BCAR3: variants seen among roughly 807,000 people sequenced by gnomAD.
BCAR3 encodes the protein breast cancer anti-estrogen resistance protein 3.
A neutral mutation model predicts 80.1 loss-of-function variants in BCAR3; 37 were observed. The observed-to-expected ratio is 0.46, with a 90% CI of 0.36 to 0.61. BCAR3 has a LOEUF of 0.61. Ranked by LOEUF, BCAR3 falls within the 20% of genes least tolerant of loss-of-function variation. BCAR3 has a pLI of 0.00. For synonymous variants in BCAR3, 389 were observed against 418.9 expected (o/e 0.93, Z 0.87); for missense variants, 978 against 1,068.2 (o/e 0.92, Z 1.18).
chr1:93,659,900 T>C (rs1647569452), intron 2 of BCAR3, among the ~76,000 whole-genome samples: 1 of 152,162 alleles, frequency 6.6e-6, no homozygotes, highest in Admixed American at 6.6e-5. Context: ...TATAAAACTT[T>C]GTGATGACAA....
rs569497812 is a variant in BCAR3 at position 93,662,339 on chromosome 1, G to C, written c.317+12275C>G. On this transcript the variant is annotated intron_variant, in intron 2 of 11. Coordinates refer to ENST00000260502, the MANE Select transcript of BCAR3 (RefSeq NM_003567.4). ...AATATTTTTCGTGTGTGGCTGTTTA[G>C]CCAAACCCCATACTTTCATTTGTAA... Among the ~76,000 whole-genome samples the C allele has an allele frequency of 9.4e-4, 143 of 152,294 alleles. 1 individual carries two copies. Among genetic ancestry groups the C allele is most frequent in the African/African-American group, 3.2e-3 (132 of 41,564 alleles).
chr1:93,598,098 A>G (rs575219970), intron 3 of BCAR3, among the ~76,000 whole-genome samples: 3 of 152,296 alleles, frequency 2.0e-5, no homozygotes, highest in Admixed American at 2.0e-4. Context: ...TAATGCAGAA[A>G]CCCACATTTC....
chr1:93,831,808 GTTTC>G (rs1365993105), intron 2 of BCAR3, among the ~76,000 whole-genome samples: 1 of 152,088 alleles, frequency 6.6e-6, no homozygotes, highest in Non-Finnish European at 1.5e-5. Context: ...CCGGCTTACT[GTTTC>G]TTTCCGCAAC....
At chr1:93,744,123 T>C (rs986019227) in intron 2 of BCAR3, among the ~76,000 whole-genome samples, 13 of 152,314 alleles carry the variant, frequency 8.5e-5, no homozygotes, top group African/African-American at 2.4e-4. Context: ...CCCCTCACCC[T>C]AGCAATGGCC....
At chr1:93,716,504 C>T (rs897394403) in intron 2 of BCAR3, among the ~76,000 whole-genome samples, 3 of 152,204 alleles carry the variant, frequency 2.0e-5, no homozygotes, top group Admixed American at 2.0e-4. Context: ...GGTGATCTGA[C>T]TCTTATCTCT....
chr1:93,721,321 C>T (rs1557665830), intron 2 of BCAR3, among the ~76,000 whole-genome samples: 2 of 152,102 alleles, frequency 1.3e-5, no homozygotes, highest in South Asian at 4.1e-4. Context: ...AGGAATACAG[C>T]AGTGGTTTGC....
chr1:93,767,547 AC>A (rs1652198477), intron 2 of BCAR3, among the ~76,000 whole-genome samples: 1 of 151,802 alleles, frequency 6.6e-6, no homozygotes, highest in Non-Finnish European at 1.5e-5. Flanking sequence ...AAAAGTTTAT[AC>A]TTTTTGTGTT....
At chr1:93,632,804 G>T (rs2101900039) in intron 3 of BCAR3, among the ~76,000 whole-genome samples, 1 of 152,224 alleles carries the variant, frequency 6.6e-6, no homozygotes, top group East Asian at 1.9e-4. Context: ...GATCACCTGA[G>T]GTCAGGAGTT....
At chr1:93,621,107 C>T (rs1675293888) in intron 3 of BCAR3, among the ~76,000 whole-genome samples, 1 of 152,248 alleles carries the variant, frequency 6.6e-6, no homozygotes, top group South Asian at 2.1e-4. Context: ...TCAGGAGTAA[C>T]CCCACCCATT....
intron 3 of BCAR3, among the ~76,000 whole-genome samples, chr1:93,603,827 G>A (rs529695279): frequency 6.6e-6 from 1 of 152,326 alleles, no homozygotes; most frequent in South Asian, 2.1e-4. Context: ...CCTTTTTGAG[G>A]AGACAAAGCA....
intron 2 of BCAR3, among the ~76,000 whole-genome samples, chr1:93,721,649 G>C (rs1245744812): frequency 6.6e-6 from 1 of 152,212 alleles, no homozygotes; most frequent in African/African-American, 2.4e-5. Context: ...CCAAGAAGGA[G>C]AACGACCCCT....
intron 2 of BCAR3, among the ~76,000 whole-genome samples, chr1:93,723,094 G>A (rs1650462866): frequency 6.6e-6 from 1 of 152,160 alleles, no homozygotes; most frequent in South Asian, 2.1e-4. Context: ...TCCAGAGGCA[G>A]TCCCAGAGGT....
chr1:93,845,547 A>G lies in BCAR3; in HGVS notation c.-63+20T>C, dbSNP rs188195365. 1.0e-3 allele frequency: 144 copies of G among 144,122 alleles called. 2 individuals are homozygous for G. Among genetic ancestry groups the G allele is most frequent in the African/African-American group, 3.6e-3 (141 of 38,936 alleles). 8.9% of individuals were successfully genotyped at this position (144,122 alleles called of 1,614,324 possible). ...GTATAATTAAATAGGCCTGGCACCA[A>G]TCAGGGCTCTGCCACTTACTGTTTG... On this transcript the variant is annotated intron_variant, in intron 2 of 13. Coordinates refer to the BCAR3 transcript ENST00000370244.
At chr1:93,827,425 A>G (rs192878743) in intron 2 of BCAR3, among the ~76,000 whole-genome samples, 2 of 152,218 alleles carry the variant, frequency 1.3e-5, no homozygotes, top group East Asian at 1.9e-4. Context: ...GGGACTTTAC[A>G]TAGCAGGGGA....
intron 7 of BCAR3, among the ~76,000 whole-genome samples, chr1:93,576,814 TAC>T (rs1673477901): frequency 6.6e-6 from 1 of 152,200 alleles, no homozygotes; most frequent in African/African-American, 2.4e-5. Context: ...TATTAGTTAT[TAC>T]AATGTCATGG....
intron 3 of BCAR3, chr1:93,614,135 T>A (rs1474510946): frequency 7.4e-7 from 1 of 1,353,896 alleles, no homozygotes; most frequent in Non-Finnish European, 9.5e-7. Flanking sequence ...TACGATCCAC[T>A]CGCTCAATTC....
At chr1:93,570,770 C>T (rs1002126125) in intron 9 of BCAR3, among the ~76,000 whole-genome samples, 11 of 152,252 alleles carry the variant, frequency 7.2e-5, no homozygotes, top group African/African-American at 2.7e-4. Flanking sequence ...AGGCAGTCTC[C>T]TTCTTATACA....
intron 2 of BCAR3, among the ~76,000 whole-genome samples, chr1:93,655,400 T>C (rs192241696): frequency 1.3e-5 from 2 of 152,062 alleles, no homozygotes; most frequent in African/African-American, 2.4e-5. Flanking sequence ...GGTGGGGGGA[T>C]GGTGTACAGA....
chr1:93,817,792 C>G (rs890664829), intron 2 of BCAR3, among the ~76,000 whole-genome samples: 4 of 152,244 alleles, frequency 2.6e-5, no homozygotes, highest in East Asian at 1.9e-4. Context: ...CCCTGTTTAC[C>G]CCCCCACATC....
Sources: allele counts gnomAD v4.1 joint callset (sites outside exome capture counted in the v4.1 genomes callset), GRCh38; gene constraint gnomAD v4.1.1; transcripts MANE v1.5; gene names NCBI Gene and HGNC (gene_info 2026-07-23, HGNC 2026-07-21).